The following SEL1L2 variants were observed in gnomAD, a reference collection of about 807,000 sequenced individuals.
SEL1L2 encodes the protein SEL1L2 adaptor subunit of SYVN1 ubiquitin ligase.
A neutral mutation model predicts 98.8 loss-of-function variants in SEL1L2; 89 were observed. The ratio of observed to expected loss-of-function variants is 0.90; its 90% CI spans 0.76 to 1.07. The LOEUF (loss-of-function observed/expected upper bound fraction) is 1.07, where lower values mean the gene tolerates loss of function less well. Among genes scored for constraint, SEL1L2 ranks in the 50% least tolerant of loss-of-function variants. SEL1L2 has a pLI of 0.00. For synonymous variants in SEL1L2, 262 were observed against 278.5 expected, an observed-to-expected ratio of 0.94 and a Z score of 0.59; for missense variants, 788 against 812.0, an observed-to-expected ratio of 0.97 and a Z score of 0.36.
intron 5 of SEL1L2, among the ~76,000 whole-genome samples, chr20:13,903,824 A>G (rs913532359): frequency 2.6e-5 from 4 of 152,166 alleles, no homozygotes; most frequent in African/African-American, 9.7e-5. Context: ...TAAGAAAAAA[A>G]AAGTATTTGA....
Position 13,956,058 on chromosome 20 carries a change from A to G in SEL1L2, c.114+18T>C, listed in dbSNP as rs756770311. 4.8e-6 allele frequency: 7 copies of G among 1,473,680 alleles called. No homozygotes were observed. The African/African-American group carries it at 8.4e-5, about 18-fold the overall frequency. The allele number at this position is 1,473,680 out of a possible 1,614,324, so 91.3% of individuals were successfully genotyped here. A position where few individuals can be genotyped will look rare whatever the true frequency, so the allele number is the denominator to read the frequency against. On this transcript the variant is annotated intron_variant, in intron 2 of 19. Transcript: ENST00000284951. ...AAATTTTCTATTAAAAAATGTAAAG[A>G]TTTAGCAAAATATTTACCTGTGTGG...
chr20:13,969,264 T>C (rs1286377473), intron 1 of SEL1L2, among the ~76,000 whole-genome samples: 1 of 152,228 alleles, frequency 6.6e-6, no homozygotes, highest in Non-Finnish European at 1.5e-5. Flanking sequence ...TTATTTCTCA[T>C]GTGCCCCCTC....
chr20:13,962,845 C>A (rs1455393251), intron 1 of SEL1L2, among the ~76,000 whole-genome samples: 1 of 152,054 alleles, frequency 6.6e-6, no homozygotes, highest in Non-Finnish European at 1.5e-5. Flanking sequence ...GCAGGCAGAT[C>A]ACAAGGTCAG....
intron 1 of SEL1L2, among the ~76,000 whole-genome samples, chr20:13,960,119 A>G (rs971260866): frequency 2.6e-5 from 4 of 152,244 alleles, no homozygotes; most frequent in African/African-American, 9.6e-5. Flanking sequence ...AGAAAAAGTA[A>G]ACTAGAAAAA....
chr20:13,926,655 T>C (rs1449324690), intron 3 of SEL1L2, among the ~76,000 whole-genome samples: 1 of 152,230 alleles, frequency 6.6e-6, no homozygotes, highest in Non-Finnish European at 1.5e-5. Flanking sequence ...GTCTAGAGAC[T>C]GTACTCCAGC....
chr20:13,939,683 T>TTTTTTTTTA (rs2049655662), intron 2 of SEL1L2, among the ~76,000 whole-genome samples: 3 of 133,676 alleles, frequency 2.2e-5, no homozygotes, highest in Non-Finnish European at 4.9e-5. Context: ...TTTTTTTTTT[T>TTTTTTTTTA]GAGACAGAGT....
In SEL1L2 at chr20:13,974,461, T is replaced by TTC. The variant is rs199767663; in HGVS notation, c.58+16014_58+16015dup. Among the ~76,000 whole-genome samples, 508 of 134,282 alleles carry TTC rather than the reference T, an allele frequency of 3.8e-3. 24 individuals carry two copies. Among genetic ancestry groups the TTC allele is most frequent in the Admixed American group, 6.9e-3 (83 of 11,950 alleles). The allele number at this position is 134,282 out of a possible 152,430, so 88.1% of individuals were successfully genotyped here. ...CTACTGCTTTTTATTTTTTTTCCTT[T>TTC]TCTCTCTCTCTCTCTTTTTTTTTTT... On this transcript the variant is annotated intron_variant, in intron 1 of 19. Transcript: ENST00000284951.
chr20:13,854,357 T>G (rs1354285042), intron 18 of SEL1L2, among the ~76,000 whole-genome samples: 1 of 152,198 alleles, frequency 6.6e-6, no homozygotes, highest in African/African-American at 2.4e-5. Context: ...CAGGCCTGAT[T>G]TCTTCCATGT....
At chr20:13,983,044 A>AAAAAAAAAAAAAAAAAAAAC (rs2051932584) in intron 1 of SEL1L2, among the ~76,000 whole-genome samples, 1 of 144,294 alleles carries the variant, frequency 6.9e-6, no homozygotes, top group African/African-American at 2.5e-5. Flanking sequence ...AAAAAAAAAA[A>AAAAAAAAAAAAAAAAAAAAC]AAAAGCAGCA....
chr20:13,950,418 A>G (rs1255123453), intron 2 of SEL1L2, among the ~76,000 whole-genome samples: 3 of 152,150 alleles, frequency 2.0e-5, no homozygotes, highest in African/African-American at 7.2e-5. Flanking sequence ...TCCTGGGGTG[A>G]TGAGGTATCA....
At chr20:13,865,796 T>C (rs1990913238) in intron 15 of SEL1L2, among the ~76,000 whole-genome samples, 1 of 151,294 alleles carries the variant, frequency 6.6e-6, no homozygotes, top group African/African-American at 2.4e-5. Context: ...TGGAGGCTAT[T>C]TGGAAGAATA....
chr20:13,902,717 A>G (rs1572006), intron 5 of SEL1L2, among the ~76,000 whole-genome samples: 127,339 of 151,906 alleles, frequency 0.84, 53,464 homozygotes, highest in Middle Eastern at 0.88. Flanking sequence ...TAGAAGAAAA[A>G]ACGTCTGGTT....
intron 1 of SEL1L2, among the ~76,000 whole-genome samples, chr20:13,970,696 G>T (rs1414950311): frequency 1.3e-5 from 2 of 152,064 alleles, no homozygotes; most frequent in Non-Finnish European, 2.9e-5. Flanking sequence ...GCCAAGCGTG[G>T]TGGCAGGTGC....
chr20:13,874,630 C>T (rs1241970172), intron 12 of SEL1L2, among the ~76,000 whole-genome samples: 1 of 152,168 alleles, frequency 6.6e-6, no homozygotes, highest in Non-Finnish European at 1.5e-5. Flanking sequence ...TCATCCTAAT[C>T]TAATGGTACT....
At chr20:13,989,448 A>C (rs1019252649) in intron 1 of SEL1L2, among the ~76,000 whole-genome samples, 2 of 152,114 alleles carry the variant, frequency 1.3e-5, no homozygotes. Flanking sequence ...TCCAAGCTTG[A>C]TATCTTCTAC....
At chr20:13,986,255 C>A (rs536550719) in intron 1 of SEL1L2, among the ~76,000 whole-genome samples, 8 of 152,190 alleles carry the variant, frequency 5.3e-5, no homozygotes, top group Admixed American at 3.9e-4. Flanking sequence ...AGGTGAAATC[C>A]ATATAACATA....
intron 1 of SEL1L2, among the ~76,000 whole-genome samples, chr20:13,981,999 T>C (rs1031349129): frequency 2.6e-5 from 4 of 152,232 alleles, no homozygotes; most frequent in African/African-American, 4.8e-5. Flanking sequence ...TTGGTCTTTA[T>C]GTGGCCTCCT....
At chr20:13,949,658 G>A (rs1275489052) in intron 2 of SEL1L2, among the ~76,000 whole-genome samples, 1 of 150,512 alleles carries the variant, frequency 6.6e-6, no homozygotes, top group East Asian at 1.9e-4. Flanking sequence ...GTGAGACTCT[G>A]TCTCAAAACA....
At chr20:13,964,493 C>T (rs2050946735) in intron 1 of SEL1L2, among the ~76,000 whole-genome samples, 1 of 136,214 alleles carries the variant, frequency 7.3e-6, no homozygotes, top group Admixed American at 8.3e-5. Flanking sequence ...GCTCTTGTTG[C>T]CCAGGCTGGA....
Sources: gnomAD v4.1 joint callset for allele counts (sites outside exome capture counted in the v4.1 genomes callset) on GRCh38, gnomAD v4.1.1 for gene constraint, MANE v1.5 for transcripts, NCBI Gene and HGNC (gene_info 2026-07-23, HGNC 2026-07-21) for gene names.